Variants in FAM193A observed in about 807,000 individuals in gnomAD.
FAM193A encodes the protein protein FAM193A.
Under a neutral mutation model 126.5 loss-of-function variants are expected in FAM193A, and 22 were observed. The ratio of observed to expected loss-of-function variants is 0.17; its 90% confidence interval spans 0.12 to 0.25. The LOEUF (loss-of-function observed/expected upper bound fraction) is 0.25, where lower values mean the gene tolerates loss of function less well. FAM193A is among the 10% of genes least tolerant of loss of function. The pLI, the probability that FAM193A is intolerant of heterozygous loss-of-function variation, is 1.00. For missense variants in FAM193A, 1,675 were observed against 1,672.8 expected (o/e 1.00, Z -0.02); for synonymous variants, 761 against 646.8 (o/e 1.18, Z -2.68).
rs531852299 is a variant in FAM193A at position 2,731,939 on chromosome 4, G to A, written c.*71G>A. On this transcript the variant is annotated 3_prime_UTR_variant, in exon 21 of 21. Transcript: ENST00000637812. Reference sequence around the variant, plus strand: ...CACCACCCCAAGAGCCACGCCCCTCGCTGGCGCCCCAGAGCCGTGGTGCTT... The same window carrying A: ...CACCACCCCAAGAGCCACGCCCCTCACTGGCGCCCCAGAGCCGTGGTGCTT... 300 of 1,183,716 alleles carry A rather than the reference G, an allele frequency of 2.5e-4. 1 individual carries two copies. The East Asian group carries it at 6.8e-3, about 27-fold the overall frequency. The allele number at this position is 1,183,716 out of a possible 1,614,324, so 73.3% of individuals were successfully genotyped here.
At chr4:2,657,056 A>G (rs1294966872) in intron 7 of FAM193A, among the ~76,000 whole-genome samples, 2 of 152,148 alleles carry the variant, frequency 1.3e-5, no homozygotes, top group African/African-American at 4.8e-5. Flanking sequence ...AATCCCAGCT[A>G]ACTCAGGAGG....
chr4:2,729,144 G>A (rs776842186), intron 20 of FAM193A, among the ~76,000 whole-genome samples: 14 of 152,078 alleles, frequency 9.2e-5, no homozygotes, highest in Non-Finnish European at 1.5e-4. Context: ...ACTGAAGCTG[G>A]TGATCAGCAG....
intron 12 of FAM193A, among the ~76,000 whole-genome samples, chr4:2,671,397 C>G (rs956137852): frequency 6.6e-6 from 1 of 152,156 alleles, no homozygotes; most frequent in African/African-American, 2.4e-5. Flanking sequence ...TCTGCCTGAC[C>G]AGGCTGCTGT....
chr4:2,542,538 G>A (rs565300057), intron 1 of FAM193A, among the ~76,000 whole-genome samples: 1 of 152,256 alleles, frequency 6.6e-6, no homozygotes, highest in East Asian at 1.9e-4. Flanking sequence ...TGGTAACTGG[G>A]GTAAAATATT....
At chr4:2,652,655 C>T (rs899310078) in intron 7 of FAM193A, among the ~76,000 whole-genome samples, 1 of 152,084 alleles carries the variant, frequency 6.6e-6, no homozygotes, top group Non-Finnish European at 1.5e-5. Context: ...AAATCTGCCC[C>T]CATGATCTGA....
At chr4:2,610,763 G>T (rs2108941765) in intron 2 of FAM193A, among the ~76,000 whole-genome samples, 1 of 151,802 alleles carries the variant, frequency 6.6e-6, no homozygotes, top group East Asian at 1.9e-4. Flanking sequence ...TTGAGATGGA[G>T]TTTCGCTCTT....
chr4:2,543,942 G>A (rs1446833044), intron 1 of FAM193A, among the ~76,000 whole-genome samples: 1 of 146,112 alleles, frequency 6.8e-6, no homozygotes, highest in East Asian at 2.1e-4. Context: ...TTGATGGTAT[G>A]ATCGTTGTAT....
chr4:2,688,394 G>A (rs370893246), intron 13 of FAM193A, among the ~76,000 whole-genome samples: 6 of 152,252 alleles, frequency 3.9e-5, no homozygotes, highest in African/African-American at 1.2e-4. Flanking sequence ...CTGAGGAAGC[G>A]ATCTTTAGGC....
At chr4:2,674,433 G>A (rs189505784) in intron 13 of FAM193A, among the ~76,000 whole-genome samples, 1 of 152,220 alleles carries the variant, frequency 6.6e-6, no homozygotes, top group Admixed American at 6.5e-5. Flanking sequence ...ATTGGAGGAA[G>A]TTTCTTAGAG....
intron 19 of FAM193A, among the ~76,000 whole-genome samples, chr4:2,701,778 ATTT>A (rs747065399): frequency 7.0e-6 from 1 of 142,766 alleles, no homozygotes. Flanking sequence ...TCATATGGTG[ATTT>A]TTTTTTTTTT....
intron 12 of FAM193A, among the ~76,000 whole-genome samples, chr4:2,665,675 G>A (rs1420884809): frequency 2.0e-5 from 3 of 151,950 alleles, no homozygotes; most frequent in Non-Finnish European, 4.4e-5. Context: ...ACAGGCATGC[G>A]CCACCACGCC....
chr4:2,608,242 A>T, intron 2 of FAM193A: 1 of 872,058 alleles, frequency 1.1e-6, no homozygotes, highest in Non-Finnish European at 1.8e-6. Context: ...GCAGTGGTGC[A>T]ATCCTGATTC....
chr4:2,684,806 G>T (rs1199170380), intron 13 of FAM193A, among the ~76,000 whole-genome samples: 1 of 152,206 alleles, frequency 6.6e-6, no homozygotes, highest in African/African-American at 2.4e-5. Flanking sequence ...GTCGATAGCA[G>T]TTGGTTACCA....
At chr4:2,646,661 G>A in intron 6 of FAM193A, 24 bp from the exon 7 acceptor site, 2 of 1,576,978 alleles carry the variant, frequency 1.3e-6, no homozygotes, top group Non-Finnish European at 1.7e-6. Context: ...TCTTTCCTTT[G>A]TTACAAGGCC....
At chr4:2,566,755 T>A (rs1738987276) in intron 1 of FAM193A, among the ~76,000 whole-genome samples, 1 of 152,144 alleles carries the variant, frequency 6.6e-6, no homozygotes, top group Non-Finnish European at 1.5e-5. Context: ...AAGAATAATG[T>A]AAATAGTCAT....
At chr4:2,568,973 C>CTTTTTTTTTTTTTTTTTTTTTTGTTT (rs753557878) in intron 1 of FAM193A, among the ~76,000 whole-genome samples, 1 of 90,722 alleles carries the variant, frequency 1.1e-5, no homozygotes, top group Non-Finnish European at 1.9e-5. Context: ...TGTTGTTTTG[C>CTTTTTTTTTTTTTTTTTTTTTTGTTT]TTTTTTTTTT....
At chr4:2,623,287 A>G (rs1742665588) in intron 2 of FAM193A, among the ~76,000 whole-genome samples, 1 of 151,998 alleles carries the variant, frequency 6.6e-6, no homozygotes, top group South Asian at 2.1e-4. Context: ...CTCCTGCCTC[A>G]GCCTCCCGAG....
chr4:2,635,086 CA>C (rs2109011821), intron 5 of FAM193A, among the ~76,000 whole-genome samples: 1 of 152,250 alleles, frequency 6.6e-6, no homozygotes, highest in East Asian at 1.9e-4. Flanking sequence ...CTTCTGTAGC[CA>C]CAGTTCCATT....
At position 2,662,837 on chromosome 4, in the gene FAM193A, G is replaced by C. The variant is rs1452814758; in HGVS notation, c.1746-1G>C. The C allele has an allele frequency of 6.2e-7, 1 of 1,607,672 alleles. No individual in the cohort carries two copies. The highest frequency in any genetic ancestry group is 8.5e-7 in the Non-Finnish European group (1 of 1,174,510). On this transcript the variant is annotated splice_acceptor_variant, in intron 10 of 20. Transcript: ENST00000637812. LOFTEE classifies it high-confidence loss of function. The stretch of plus-strand genomic sequence containing the variant: ...ACAGTGACCATCTCTGCTTGTGTCA[G>C]TTGTAGTGATGATGAAGATGTTGCA...
Sources: allele counts gnomAD v4.1 joint callset (sites outside exome capture counted in the v4.1 genomes callset), GRCh38; gene constraint gnomAD v4.1.1; transcripts MANE v1.5; gene names NCBI Gene and HGNC (gene_info 2026-07-23, HGNC 2026-07-21).